The following GULP1 variants were observed in gnomAD, a reference collection of about 807,000 sequenced individuals.
GULP1 encodes the protein PTB domain-containing engulfment adapter protein 1.
GULP1 carries 19 observed loss-of-function variants against 40.9 expected under a neutral mutation model. That is an observed-to-expected ratio of 0.46 (90% CI 0.32 to 0.68). GULP1 has a LOEUF of 0.68. Among genes scored for constraint, GULP1 ranks in the 30% least tolerant of loss-of-function variants. The pLI is 0.03. For missense variants in GULP1, 312 were observed against 362.2 expected, an observed-to-expected ratio of 0.86 and a Z score of 1.12; for synonymous variants, 119 against 117.6, an observed-to-expected ratio of 1.01 and a Z score of -0.08.
intron 1 of GULP1, among the ~76,000 whole-genome samples, chr2:188,349,935 A>C (rs1292348330): frequency 2.0e-5 from 3 of 152,124 alleles, no homozygotes; most frequent in Non-Finnish European, 2.9e-5. Flanking sequence ...CTGGATCCCC[A>C]GTTGTGCCAG....
intron 2 of GULP1, among the ~76,000 whole-genome samples, chr2:188,395,072 A>C (rs2051046992): frequency 1.3e-5 from 2 of 152,194 alleles, no homozygotes; most frequent in Non-Finnish European, 2.9e-5. Flanking sequence ...AAGCAGGTGG[A>C]TAAATGCAAT....
intron 2 of GULP1, among the ~76,000 whole-genome samples, chr2:188,454,234 C>T (rs2059072304): frequency 6.6e-6 from 1 of 152,190 alleles, no homozygotes; most frequent in African/African-American, 2.4e-5. Context: ...TGGGACTGCT[C>T]TCAGCAGAGA....
At chr2:188,542,349 T>C (rs971602097) in intron 7 of GULP1, among the ~76,000 whole-genome samples, 1 of 152,184 alleles carries the variant, frequency 6.6e-6, no homozygotes, top group African/African-American at 2.4e-5. Context: ...AATATTATTA[T>C]CACTGTTATG....
At chr2:188,548,799 T>C (rs1692644367) in intron 7 of GULP1, among the ~76,000 whole-genome samples, 1 of 151,518 alleles carries the variant, frequency 6.6e-6, no homozygotes. Context: ...TTGTCAATGC[T>C]GCAAAAGCAG....
intron 4 of GULP1, among the ~76,000 whole-genome samples, chr2:188,493,627 G>A (rs1280344158): frequency 1.3e-5 from 2 of 151,962 alleles, no homozygotes; most frequent in Non-Finnish European, 2.9e-5. Context: ...TATAACATAA[G>A]GACAAATCCC....
intron 2 of GULP1, among the ~76,000 whole-genome samples, chr2:188,409,849 A>G (rs2053636075): frequency 6.6e-6 from 1 of 152,190 alleles, no homozygotes; most frequent in Non-Finnish European, 1.5e-5. Flanking sequence ...ATAGTAACAG[A>G]ATGAAATCCC....
At chr2:188,329,142 C>A (rs1007681251) in intron 1 of GULP1, among the ~76,000 whole-genome samples, 16 of 136,596 alleles carry the variant, frequency 1.2e-4, no homozygotes, top group African/African-American at 4.6e-4. Flanking sequence ...CTCTATTGGA[C>A]TCTTTTTTTT....
At chr2:188,294,325 G>A (rs2034457786) in intron 1 of GULP1, 1 of 152,188 alleles carries the variant, frequency 6.6e-6, no homozygotes, top group South Asian at 2.1e-4. Context: ...TATCCGGCAT[G>A]ACTTCTTTGT....
chr2:188,388,575 G>A (rs1283068547), intron 2 of GULP1, among the ~76,000 whole-genome samples: 6 of 151,724 alleles, frequency 4.0e-5, no homozygotes, highest in African/African-American at 1.2e-4. Context: ...ACAAAAAGAA[G>A]TTTAATTTAA....
At chr2:188,346,384 T>G (rs1207242152) in intron 1 of GULP1, among the ~76,000 whole-genome samples, 2 of 152,232 alleles carry the variant, frequency 1.3e-5, no homozygotes, top group African/African-American at 2.4e-5. Context: ...GCTTCTAGAC[T>G]TAAGTGTAAA....
intron 1 of GULP1, among the ~76,000 whole-genome samples, chr2:188,306,169 A>G (rs994705802): frequency 1.3e-5 from 2 of 152,222 alleles, no homozygotes; most frequent in Admixed American, 6.5e-5. Context: ...TACTAATATC[A>G]ATAGTTTCTA....
intron 2 of GULP1, among the ~76,000 whole-genome samples, chr2:188,472,057 A>G (rs1457849044): frequency 6.6e-6 from 1 of 151,856 alleles, no homozygotes; most frequent in Non-Finnish European, 1.5e-5. Flanking sequence ...AGGATAAAAG[A>G]TTTTTTTCCT....
In GULP1 at chr2:188,361,337, G is replaced by C. The variant is rs149378099; in HGVS notation, c.-171-22426G>C. On this transcript the variant is annotated intron_variant, in intron 1 of 11. Transcript: ENST00000409830. ...GGAAAAGAAATCCTAAGGCAGGAAT[G>C]ACTCTGGCTTGTTTGAGGCACAGCA... Among the ~76,000 whole-genome samples, 1,408 of 152,088 alleles carry C rather than the reference G, an allele frequency of 9.3e-3. 12 individuals carry two copies. The highest frequency in any genetic ancestry group is 0.011 in the Non-Finnish European group (741 of 67,950).
At chr2:188,357,130 T>A (rs1559145624) in intron 1 of GULP1, among the ~76,000 whole-genome samples, 1 of 152,068 alleles carries the variant, frequency 6.6e-6, no homozygotes, top group Non-Finnish European at 1.5e-5. Context: ...GGGAAACACT[T>A]TAGGATATTG....
chr2:188,486,915 G>T (rs907350264), intron 4 of GULP1, among the ~76,000 whole-genome samples: 1 of 151,806 alleles, frequency 6.6e-6, no homozygotes, highest in Non-Finnish European at 1.5e-5. Flanking sequence ...TTTAGAGATG[G>T]GTAGCAAGGG....
At chr2:188,319,384 C>A (rs2039626236) in intron 1 of GULP1, among the ~76,000 whole-genome samples, 1 of 152,028 alleles carries the variant, frequency 6.6e-6, no homozygotes, top group South Asian at 2.1e-4. Flanking sequence ...AAATTTTGAC[C>A]ATTTTCAGAC....
At chr2:188,323,869 C>T (rs943472202) in intron 1 of GULP1, among the ~76,000 whole-genome samples, 1 of 151,710 alleles carries the variant, frequency 6.6e-6, no homozygotes, top group Non-Finnish European at 1.5e-5. Context: ...CTGGCGTATC[C>T]TCTCAATTTT....
chr2:188,539,821 C>A (rs1025181487), intron 6 of GULP1, among the ~76,000 whole-genome samples: 12 of 152,180 alleles, frequency 7.9e-5, no homozygotes, highest in African/African-American at 2.9e-4. Flanking sequence ...CAAATCTCAG[C>A]AAGCTGACAC....
chr2:188,497,160 A>C (rs2062979052), intron 4 of GULP1, among the ~76,000 whole-genome samples: 1 of 152,062 alleles, frequency 6.6e-6, no homozygotes, highest in Non-Finnish European at 1.5e-5. Context: ...GTATAGCAGA[A>C]TTCTGATACA....
Sources: allele counts gnomAD v4.1 joint callset (sites outside exome capture counted in the v4.1 genomes callset), GRCh38; gene constraint gnomAD v4.1.1; transcripts MANE v1.5; gene names NCBI Gene and HGNC (gene_info 2026-07-23, HGNC 2026-07-21).